IL4R: variants seen among roughly 807,000 people sequenced by gnomAD.
IL4R encodes interleukin 4 receptor, also known as interleukin-4 receptor subunit alpha.
Under a neutral mutation model 41.5 loss-of-function variants are expected in IL4R, and 17 were observed. That is an observed-to-expected ratio of 0.41 (90% CI 0.28 to 0.61). The LOEUF is 0.61. IL4R is among the 20% of genes least tolerant of loss of function. The pLI is 0.31. For synonymous variants in IL4R, 402 were observed against 422.9 expected (o/e 0.95, Z 0.61); for missense variants, 974 against 1,043.1 (o/e 0.93, Z 0.91).
chr16:27,342,320 G>A (rs1024022740), intron 4 of IL4R, 61 bp downstream of exon 4: 7 of 1,601,856 alleles, frequency 4.4e-6, no homozygotes, highest in Admixed American at 3.3e-5. Flanking sequence ...TGCCCCAAGA[G>A]TGAGCTGGGT....
intron 1 of IL4R, among the ~76,000 whole-genome samples, chr16:27,328,089 A>G (rs888568404): frequency 1.3e-5 from 2 of 151,606 alleles, no homozygotes; most frequent in South Asian, 4.2e-4. Context: ...GTGCTCCTGT[A>G]GTCCCAGCTA....
intron 1 of IL4R, among the ~76,000 whole-genome samples, chr16:27,316,705 A>G (rs890044425): frequency 1.3e-5 from 2 of 152,204 alleles, no homozygotes; most frequent in African/African-American, 2.4e-5. Context: ...GAGTGACAGT[A>G]TGGACTTGAG....
In IL4R at chr16:27,364,028, G is replaced by A; in HGVS notation, c.*198G>A. 1.6e-6 allele frequency: 1 copy of A among 628,574 alleles called. No individual in the cohort carries two copies. The highest frequency in any genetic ancestry group is 2.7e-6 in the Non-Finnish European group (1 of 367,136). The allele number at this position is 628,574 out of a possible 1,614,324, so 38.9% of individuals were successfully genotyped here. On this transcript the variant is annotated 3_prime_UTR_variant, in exon 11 of 11. Coordinates refer to ENST00000395762, the MANE Select transcript of IL4R (RefSeq NM_000418.4). ...CTGGACCCCGCCCAGCATTGGGCTG[G>A]GCTCGCCACATCCCATGAGAGTAGA... is the stretch of plus-strand genomic sequence containing the variant.
At chr16:27,360,624 C>A in intron 9 of IL4R, 142 bp from the exon 10 acceptor site, 1 of 1,004,970 alleles carries the variant, frequency 1.0e-6, no homozygotes, top group Non-Finnish European at 1.6e-6. Context: ...TCCCAGGAAT[C>A]TGAAGCTCAG....
At position 27,330,101 on chromosome 16, in the gene IL4R, T is replaced by G. The variant is rs2085072556; in HGVS notation, c.-116T>G. ...ATTTACACACAGCTGGAAGAAATCATAGAGAAGCCGGGCGTGGTGGCTCAT... is the reference window on the plus strand; with the variant it reads ...ATTTACACACAGCTGGAAGAAATCAGAGAGAAGCCGGGCGTGGTGGCTCAT... On this transcript the variant is annotated 5_prime_UTR_variant, in exon 2 of 11. Transcript: ENST00000395762. The G allele has an allele frequency of 6.6e-6, 1 of 152,070 alleles. No homozygotes were observed. The highest frequency in any genetic ancestry group is 6.6e-5 in the Admixed American group (1 of 15,246). The allele number at this position is 152,070 out of a possible 1,614,324, so 9.4% of individuals were successfully genotyped here.
At chr16:27,334,322 C>T (rs530814863) in intron 2 of IL4R, 2 of 152,272 alleles carry the variant, frequency 1.3e-5, no homozygotes, top group African/African-American at 2.4e-5. Flanking sequence ...TCAGGGAAGC[C>T]TCTTCTCCCA....
intron 3 of IL4R, 131 bp downstream of exon 3, chr16:27,340,404 T>G (rs2085403255): frequency 2.9e-6 from 2 of 680,710 alleles, no homozygotes; most frequent in African/African-American, 1.8e-5. Flanking sequence ...TGGCCCTGAT[T>G]ATCAGTAAAT....
Position 27,362,302 on chromosome 16 carries a change from A to G in IL4R, c.950A>G (p.Asn317Ser), listed in dbSNP as rs371267449. The G allele has an allele frequency of 4.3e-5, 69 of 1,614,046 alleles. No homozygotes were observed. Among genetic ancestry groups the G allele is most frequent in the Non-Finnish European group, 5.4e-5 (64 of 1,180,016 alleles). ...CTCTTGCCCTGTTTTCTGGAGCACA[A>G]CATGAAAAGGGATGAAGATCCTCAC... ...TKLLPCFLEH[N>S]MKRDEDPHKA... The change falls in exon 11 of 11, where the codon AAC becomes AGC. Residue 317 changes from asparagine to serine, a missense_variant. This residue lies in a region of IL4R where 682 missense variants were observed against 704.3 expected (regional missense o/e 0.97). Coordinates refer to ENST00000395762, the MANE Select transcript of IL4R (RefSeq NM_000418.4).
intron 1 of IL4R, chr16:27,318,810 G>C (rs979948365): frequency 1.3e-5 from 2 of 152,316 alleles, no homozygotes; most frequent in Admixed American, 1.3e-4. Context: ...GCCTTCCAAG[G>C]GTTTGGTGGA....
At position 27,345,019 on chromosome 16, in the gene IL4R, T is replaced by C. The variant is rs758746097; in HGVS notation, c.360T>C (p.His120=). 7.3e-7 allele frequency: 1 copy of C among 1,366,516 alleles called. No individual in the cohort carries two copies. Among genetic ancestry groups the C allele is most frequent in the Non-Finnish European group, 9.7e-7 (1 of 1,026,876 alleles). The allele number at this position is 1,366,516 out of a possible 1,614,324, so 84.6% of individuals were successfully genotyped here. A position where few individuals can be genotyped will look rare whatever the true frequency, so the allele number is the denominator to read the frequency against. The change falls in exon 5 of 11, where the codon CAT becomes CAC. Residue 120 remains histidine, a splice_region_variant and synonymous_variant. Coordinates refer to ENST00000395762, the MANE Select transcript of IL4R (RefSeq NM_000418.4). This position sits in a 1 kb window ranked among gnomAD's most constrained non-coding sequence, Gnocchi z 4.5. The stretch of plus-strand genomic sequence containing the variant: ...AGGGCTCCTTCAAGCCCAGCGAGCA[T>C]GGTGAGCAGGGCGGAGTGCGGCAGG... The part of the protein sequence containing the change: ...LWKGSFKPSE[H]VKPRAPGNLT...
At chr16:27,340,106 A>G in intron 2 of IL4R, 80 bp from the exon 3 acceptor site, 1 of 840,280 alleles carries the variant, frequency 1.2e-6, no homozygotes, top group Non-Finnish European at 2.0e-6. Context: ...TGGCCAGGGC[A>G]GGGGAGGGTT....
intron 6 of IL4R, among the ~76,000 whole-genome samples, chr16:27,349,276 C>T (rs983159446): frequency 5.3e-5 from 8 of 152,310 alleles, no homozygotes; most frequent in East Asian, 3.9e-4. Flanking sequence ...AAAAGCTGGG[C>T]GGGTGTCCAC....
At chr16:27,324,213 G>A (rs1426912578) in intron 1 of IL4R, among the ~76,000 whole-genome samples, 6 of 152,242 alleles carry the variant, frequency 3.9e-5, no homozygotes. Context: ...AGAGGCCATT[G>A]TCCGCTGCTC....
Position 27,355,814 on chromosome 16 carries a change from G to T in IL4R, c.677G>T (p.Arg226Met). The T allele has an allele frequency of 6.2e-7, 1 of 1,612,568 alleles. No individual in the cohort carries two copies. Residue 226 changes from arginine to methionine, a missense_variant, in exon 8 of 11, where the codon AGG becomes ATG. By Grantham distance (91) the Arg-to-Met change is moderately conservative. This residue lies in a region of IL4R where 284 missense variants were observed against 313.4 expected (regional missense o/e 0.91). Coordinates refer to ENST00000395762, the MANE Select transcript of IL4R (RefSeq NM_000418.4). ...SPSTKWHNSY[R>M]EPFEQHLLLG... Reference sequence around the variant, plus strand: ...CTTCCCCTCCCACTTCCAGCCTACAGGGAGCCCTTCGAGCAGCACCTCCTG... The same window carrying T: ...CTTCCCCTCCCACTTCCAGCCTACATGGAGCCCTTCGAGCAGCACCTCCTG...
Position 27,343,424 on chromosome 16 carries a change from T to C in IL4R, c.209+1165T>C, listed in dbSNP as rs182227329. Among the ~76,000 whole-genome samples the C allele has an allele frequency of 2.6e-5, 4 of 152,122 alleles. No individual in the cohort carries two copies. The East Asian group carries it at 5.8e-4, about 22-fold the overall frequency. On this transcript the variant is annotated intron_variant, in intron 4 of 10. Coordinates refer to ENST00000395762, the MANE Select transcript of IL4R (RefSeq NM_000418.4). ...CTCCTTTATGTTTTTTGTTTGTTTG[T>C]TTGTTTGTTTGTTTTCTTTGAGACA...
intron 4 of IL4R, among the ~76,000 whole-genome samples, chr16:27,342,827 C>T (rs2085486411): frequency 6.6e-6 from 1 of 152,122 alleles, no homozygotes; most frequent in African/African-American, 2.4e-5. Flanking sequence ...CAACAACATG[C>T]AAGCCCGCAT....
chr16:27,352,862 G>A (rs1373739853), intron 7 of IL4R, among the ~76,000 whole-genome samples, 166 bp downstream of exon 7: 1 of 152,190 alleles, frequency 6.6e-6, no homozygotes, highest in African/African-American at 2.4e-5. Context: ...AGGTAGGCAG[G>A]CTAGGCTGCA....
intron 8 of IL4R, among the ~76,000 whole-genome samples, chr16:27,358,385 T>C (rs559646385): frequency 6.6e-6 from 1 of 152,318 alleles, no homozygotes; most frequent in South Asian, 2.1e-4. Context: ...TCAGAAGCGG[T>C]CTGAGGACCT....
intron 10 of IL4R, among the ~76,000 whole-genome samples, chr16:27,361,195 G>A (rs2086271348): frequency 1.3e-5 from 2 of 152,080 alleles, no homozygotes; most frequent in South Asian, 2.1e-4. Flanking sequence ...CTGGTGTGCA[G>A]TGGTGCGATC....
Sources: allele counts gnomAD v4.1 joint callset (sites outside exome capture counted in the v4.1 genomes callset), GRCh38; gene constraint gnomAD v4.1.1; regional missense constraint gnomAD v4.1.1; non-coding constraint Gnocchi (gnomAD v3.1); transcripts MANE v1.5; gene names NCBI Gene and HGNC (gene_info 2026-07-23, HGNC 2026-07-21).